HERC2: variants seen among roughly 807,000 people sequenced by gnomAD.
HERC2 encodes HECT and RLD domain containing E3 ubiquitin protein ligase 2, also known as E3 ubiquitin-protein ligase HERC2.
In HERC2, 102 loss-of-function variants were observed where a neutral mutation model predicts 537.7. The observed-to-expected ratio is 0.19, with a 90% confidence interval of 0.16 to 0.22. HERC2 has a LOEUF of 0.22. HERC2 is among the 10% of genes least tolerant of loss of function. The pLI, the probability that HERC2 is intolerant of heterozygous loss-of-function variation, is 1.00. For missense variants in HERC2, 4,236 were observed against 6,198.2 expected (o/e 0.68, Z 10.63); for synonymous variants, 2,224 against 2,466.2 (o/e 0.90, Z 2.91).
intron 55 of HERC2, 40 bp downstream of exon 55, chr15:28,190,925 C>T (rs745691573): frequency 3.7e-6 from 5 of 1,366,262 alleles, no homozygotes; most frequent in Non-Finnish European, 2.1e-6. Flanking sequence ...CCCTTGTCAT[C>T]TGTAAATCAT....
chr15:28,147,100 A>T (rs1891829191), intron 70 of HERC2, among the ~76,000 whole-genome samples: 1 of 148,208 alleles, frequency 6.7e-6, no homozygotes, highest in Non-Finnish European at 1.5e-5. Context: ...AGGATGATAA[A>T]CTGGGTGAGA....
intron 50 of HERC2, among the ~76,000 whole-genome samples, 154 bp from the exon 51 acceptor site, chr15:28,196,723 T>C (rs1566998028): frequency 3.3e-5 from 5 of 152,216 alleles, no homozygotes; most frequent in Non-Finnish European, 7.3e-5. Flanking sequence ...TGCTTATGGA[T>C]GAACTAATAC....
intron 48 of HERC2, among the ~76,000 whole-genome samples, chr15:28,199,953 CATGA>C (rs1897736511): frequency 6.6e-6 from 1 of 152,158 alleles, no homozygotes; most frequent in African/African-American, 2.4e-5. Flanking sequence ...GGAGTATTAT[CATGA>C]ATGTTTGTGT....
At chr15:28,249,495 A>G (rs918809998) in intron 20 of HERC2, among the ~76,000 whole-genome samples, 1 of 152,248 alleles carries the variant, frequency 6.6e-6, no homozygotes, top group African/African-American at 2.4e-5. Context: ...CTGGTTCCTC[A>G]GCAGAACACC....
intron 2 of HERC2, among the ~76,000 whole-genome samples, chr15:28,300,841 A>G (rs1439324116): frequency 7.6e-6 from 1 of 131,412 alleles, no homozygotes. Flanking sequence ...AAAAAAAAAA[A>G]AAAAAAAAAA....
Position 28,269,289 on chromosome 15 carries a change from T to C in HERC2, c.1405A>G (p.Asn469Asp). The C allele has an allele frequency of 6.2e-7, 1 of 1,614,116 alleles. No individual in the cohort carries two copies. The highest frequency in any genetic ancestry group is 8.5e-7 in the Non-Finnish European group (1 of 1,180,010). ...TAGGCCTGTGTGTACACGCGGCCAT[T>C]GCGTGACAGAATCAGGAAACGCTTC... ...AEKRFLILSRNGRVYTQAYNS... is the reference protein window; with the variant it reads ...AEKRFLILSRDGRVYTQAYNS... Residue 469 changes from asparagine (N) to aspartate (D), a missense_variant, in exon 11 of 93, where the codon AAT (asparagine) becomes GAT (aspartate). Around this residue, in one of 27 missense-constraint regions of HERC2, gnomAD observed 491 missense variants for 559.3 expected, o/e 0.88. Transcript: ENST00000261609.
chr15:28,204,617 A>C (rs1435757999), intron 45 of HERC2, among the ~76,000 whole-genome samples: 2 of 140,344 alleles, frequency 1.4e-5, no homozygotes, highest in Non-Finnish European at 3.1e-5. Flanking sequence ...AGACTCCGTC[A>C]AAAAAAAAAA....
In HERC2 at chr15:28,257,085, T is replaced by G; in HGVS notation, c.2493A>C (p.Ala831=). Residue 831 remains alanine, a synonymous_variant, in exon 17 of 93, where the codon GCA becomes GCC. Transcript: ENST00000261609. ...CCTGAAGTCGTAGAAGATTCAGCGTTGCCACGGCCACACACTCTTTCTCCT... is the reference window on the plus strand; with the variant it reads ...CCTGAAGTCGTAGAAGATTCAGCGTGGCCACGGCCACACACTCTTTCTCCT... The part of the protein sequence containing the change: ...PPQEKECVAV[A]TLNLLRLQLH... 2 of 1,613,736 alleles carry G rather than the reference T, an allele frequency of 1.2e-6. No homozygotes were observed. Among genetic ancestry groups the G allele is most frequent in the South Asian group, 2.2e-5 (2 of 91,066 alleles).
rs183596087 is a variant in HERC2 at position 28,256,192 on chromosome 15, G to T, written c.2643C>A (p.Thr881=). 2 of 1,601,256 alleles carry T rather than the reference G, an allele frequency of 1.2e-6. No individual in the cohort carries two copies. The highest frequency in any genetic ancestry group is 1.7e-6 in the Non-Finnish European group (2 of 1,179,836). ...GCACGGCCTGGGCGGCCGACTGCAC[G>T]GTGCTCAGCACGCCCGCACTGCTGG... ...TLASSAGVLS[T]VQSAAQAVLQ... is the part of the protein sequence containing the mutation. Residue 881 remains threonine, a synonymous_variant, in exon 18 of 93, where the codon ACC becomes ACA. Coordinates refer to ENST00000261609, the MANE Select transcript of HERC2 (RefSeq NM_004667.6).
At chr15:28,197,522 G>A (rs1453289364) in intron 50 of HERC2, among the ~76,000 whole-genome samples, 2 of 152,278 alleles carry the variant, frequency 1.3e-5, no homozygotes, top group African/African-American at 4.8e-5. Context: ...GGGAGGCTGA[G>A]GCAGGCGGAT....
At chr15:28,278,670 G>T (rs935534786) in intron 5 of HERC2, among the ~76,000 whole-genome samples, 12 of 152,180 alleles carry the variant, frequency 7.9e-5, no homozygotes, top group African/African-American at 2.7e-4. Context: ...AAGGAAACAA[G>T]CTACAAGTAC....
intron 44 of HERC2, among the ~76,000 whole-genome samples, chr15:28,208,042 C>A (rs1898675614): frequency 6.6e-6 from 1 of 152,182 alleles, no homozygotes; most frequent in Non-Finnish European, 1.5e-5. Flanking sequence ...GGGCTGAGTG[C>A]AGAACAGAAC....
chr15:28,258,827 A>C (rs2140914377), intron 16 of HERC2, among the ~76,000 whole-genome samples: 1 of 152,310 alleles, frequency 6.6e-6, no homozygotes, highest in South Asian at 2.1e-4. Context: ...CAAAATTGAA[A>C]AACTCTAGGA....
intron 68 of HERC2, 48 bp downstream of exon 68, chr15:28,167,639 A>G (rs1411749344): frequency 6.2e-7 from 1 of 1,605,454 alleles, no homozygotes; most frequent in African/African-American, 1.3e-5. Context: ...TTCTGTGTAC[A>G]TTTAAGATTA....
At chr15:28,117,815 A>G (rs1340721155) in intron 86 of HERC2, 1 of 347,174 alleles carries the variant, frequency 2.9e-6, no homozygotes, top group African/African-American at 2.1e-5. Context: ...TCCAATTCCC[A>G]AAGACACCAG....
chr15:28,249,276 G>C (rs1904033057), intron 20 of HERC2, among the ~76,000 whole-genome samples: 2 of 152,198 alleles, frequency 1.3e-5, no homozygotes, highest in African/African-American at 4.8e-5. Flanking sequence ...GCAGCACTGG[G>C]GTGGGCCATG....
Position 28,179,215 on chromosome 15 carries a change from A to C in HERC2, c.8946T>G (p.Val2982=). ...CTGACAGTGTCTCAGAGAACGAAGG[A>C]ACCTTTATCTACAACAGAATTTTTT... ...LGGLKGSKIK[V]PSFSETLSAL... The change falls in exon 58 of 93, where the codon GTT becomes GTG. Residue 2982 remains valine, a synonymous_variant. Transcript: ENST00000261609. 15 of 1,605,248 alleles carry C rather than the reference A, an allele frequency of 9.3e-6. No individual in the cohort carries two copies. Among genetic ancestry groups the C allele is most frequent in the Non-Finnish European group, 1.3e-5 (15 of 1,176,496 alleles).
At chr15:28,248,775 T>C (rs1158349134) in intron 20 of HERC2, 39 bp from the exon 21 acceptor site, 1 of 1,519,316 alleles carries the variant, frequency 6.6e-7, no homozygotes, top group African/African-American at 1.4e-5. Flanking sequence ...TTAAACAAGA[T>C]ATTTCTACTA....
chr15:28,201,605 C>A, intron 47 of HERC2, 51 bp from the exon 48 acceptor site: 1 of 1,128,526 alleles, frequency 8.9e-7, no homozygotes, highest in Non-Finnish European at 1.3e-6. Context: ...CATGATAAAC[C>A]TACTCAAAAA....
Sources: gnomAD v4.1 joint callset for allele counts (sites outside exome capture counted in the v4.1 genomes callset) on GRCh38, gnomAD v4.1.1 for gene constraint, gnomAD v4.1.1 regional missense constraint, MANE v1.5 for transcripts, NCBI Gene and HGNC (gene_info 2026-07-23, HGNC 2026-07-21) for gene names.